MBD5: variants seen among roughly 807,000 people sequenced by gnomAD.
MBD5 encodes the protein methyl-CpG-binding domain protein 5.
A neutral mutation model predicts 117.3 loss-of-function variants in MBD5; 13 were observed. The ratio of observed to expected loss-of-function variants is 0.11; its 90% CI spans 0.07 to 0.18. MBD5 has a LOEUF of 0.18. MBD5 is among the 10% of genes least tolerant of loss of function. MBD5 has a pLI of 1.00. For synonymous variants in MBD5, 727 were observed against 766.4 expected (o/e 0.95, Z 0.85); for missense variants, 1,879 against 2,093.8 (o/e 0.90, Z 2.00).
intron 11 of MBD5, among the ~76,000 whole-genome samples, chr2:148,498,442 A>G (rs919899260): frequency 1.3e-5 from 2 of 152,164 alleles, no homozygotes; most frequent in African/African-American, 4.8e-5. Context: ...TGTTCAAACA[A>G]TTCTCCTGCC....
At chr2:148,085,933 T>C (rs1695781246) in intron 1 of MBD5, among the ~76,000 whole-genome samples, 1 of 152,148 alleles carries the variant, frequency 6.6e-6, no homozygotes, top group Non-Finnish European at 1.5e-5. Context: ...GTATACGTAG[T>C]TCACACAGCA....
intron 2 of MBD5, among the ~76,000 whole-genome samples, chr2:148,180,343 C>CATACATATATAT (rs1553481823): frequency 9.5e-6 from 1 of 105,544 alleles, no homozygotes; most frequent in Non-Finnish European, 1.8e-5. Context: ...AAAAATTATA[C>CATACATATATAT]ATATATATAT....
chr2:148,104,783 A>G (rs1281445073), intron 1 of MBD5, among the ~76,000 whole-genome samples: 1 of 152,160 alleles, frequency 6.6e-6, no homozygotes, highest in Non-Finnish European at 1.5e-5. Flanking sequence ...TGGGTGAATA[A>G]TATTTTCAAT....
chr2:148,039,364 A>G (rs1326473547), intron 1 of MBD5, among the ~76,000 whole-genome samples: 1 of 152,160 alleles, frequency 6.6e-6, no homozygotes, highest in Non-Finnish European at 1.5e-5. Flanking sequence ...GAAATTTAAT[A>G]CTTAAAAAAC....
chr2:148,313,078 GTGTC>G (rs1272540754), intron 3 of MBD5, among the ~76,000 whole-genome samples: 1 of 152,126 alleles, frequency 6.6e-6, no homozygotes, highest in Admixed American at 6.5e-5. Flanking sequence ...CCTGTATGGG[GTGTC>G]TGTCGACCCT....
chr2:148,395,518 A>G (rs1223741165), intron 4 of MBD5, among the ~76,000 whole-genome samples: 1 of 143,970 alleles, frequency 6.9e-6, no homozygotes, highest in East Asian at 2.1e-4. Context: ...TCTGCCTCCC[A>G]GGCTCAAGCA....
Position 148,179,445 on chromosome 2 carries a change from A to G in MBD5, c.-831+652A>G, listed in dbSNP as rs571859599. Among the ~76,000 whole-genome samples, 5 of 152,250 alleles carry G rather than the reference A, an allele frequency of 3.3e-5. No individual in the cohort carries two copies. In the South Asian group the frequency reaches 1.0e-3, roughly 32 times the overall value. Reference sequence around the variant, plus strand: ...AAAATAATTAAACAGAAAAACTATTATTCATTGCACTGTTTTCATGTATTT... The same window carrying G: ...AAAATAATTAAACAGAAAAACTATTGTTCATTGCACTGTTTTCATGTATTT... On this transcript the variant is annotated intron_variant, in intron 2 of 13. Coordinates refer to ENST00000642680, the MANE Select transcript of MBD5 (RefSeq NM_001378120.1).
intron 2 of MBD5, among the ~76,000 whole-genome samples, chr2:148,217,984 G>A (rs1699597619): frequency 6.6e-6 from 1 of 152,062 alleles, no homozygotes; most frequent in African/African-American, 2.4e-5. Flanking sequence ...CAAATTGCAA[G>A]ACAGCTTTGT....
intron 1 of MBD5, among the ~76,000 whole-genome samples, chr2:148,074,495 GTTTTTTT>G (rs1034437368): frequency 9.1e-6 from 1 of 109,830 alleles, no homozygotes; most frequent in Non-Finnish European, 1.9e-5. Flanking sequence ...TTTTTTTTTT[GTTTTTTT>G]TTTTGTTTTT....
chr2:148,076,691 G>A (rs909013316), intron 1 of MBD5, among the ~76,000 whole-genome samples: 2 of 152,204 alleles, frequency 1.3e-5, no homozygotes, highest in Admixed American at 6.5e-5. Context: ...AATAGGTTAA[G>A]TGATAATTCT....
At chr2:148,214,963 T>C (rs955238074) in intron 2 of MBD5, among the ~76,000 whole-genome samples, 9 of 152,208 alleles carry the variant, frequency 5.9e-5, no homozygotes, top group Non-Finnish European at 5.9e-5. Context: ...TTTATTGTCA[T>C]TGTGGTAGTT....
At chr2:148,328,924 CA>C (rs540675571) in intron 3 of MBD5, among the ~76,000 whole-genome samples, 88 of 152,292 alleles carry the variant, frequency 5.8e-4, no homozygotes, top group Non-Finnish European at 9.1e-4. Flanking sequence ...TCAAGAATAT[CA>C]TTCTTATTTC....
intron 1 of MBD5, among the ~76,000 whole-genome samples, chr2:148,147,144 G>A (rs1321137795): frequency 2.0e-5 from 3 of 151,822 alleles, no homozygotes; most frequent in East Asian, 1.9e-4. Flanking sequence ...AGTTTCAGTC[G>A]GCTGCTATTT....
intron 1 of MBD5, among the ~76,000 whole-genome samples, chr2:148,147,305 C>T (rs906990361): frequency 1.3e-5 from 2 of 151,366 alleles, no homozygotes; most frequent in Admixed American, 6.6e-5. Flanking sequence ...TGCAGTGGGA[C>T]GATCTTGGTT....
chr2:148,324,270 G>T (rs1232802566), intron 3 of MBD5, among the ~76,000 whole-genome samples: 1 of 152,174 alleles, frequency 6.6e-6, no homozygotes, highest in Non-Finnish European at 1.5e-5. Flanking sequence ...TTGAAGTCAG[G>T]TAGTGTGATG....
intron 2 of MBD5, among the ~76,000 whole-genome samples, chr2:148,223,710 T>C (rs568588096): frequency 6.6e-6 from 1 of 152,178 alleles, no homozygotes; most frequent in African/African-American, 2.4e-5. Flanking sequence ...AACTAACTTG[T>C]TTATTTCAAT....
intron 8 of MBD5, among the ~76,000 whole-genome samples, chr2:148,479,323 A>G (rs1040209811): frequency 4.7e-4 from 72 of 152,252 alleles, no homozygotes; most frequent in African/African-American, 1.6e-3. Flanking sequence ...TGGAGAGTTC[A>G]TTTTCACTTT....
chr2:148,384,160 G>T (rs1704260945), intron 4 of MBD5, among the ~76,000 whole-genome samples: 1 of 152,110 alleles, frequency 6.6e-6, no homozygotes. Context: ...AGGAAAAGAG[G>T]AAGTCAAATT....
At chr2:148,416,436 C>T (rs1374014237) in intron 4 of MBD5, among the ~76,000 whole-genome samples, 1 of 152,132 alleles carries the variant, frequency 6.6e-6, no homozygotes, top group Admixed American at 6.5e-5. Context: ...CATGCTCACT[C>T]ACACATGCCA....
Sources: allele counts gnomAD v4.1 joint callset (sites outside exome capture counted in the v4.1 genomes callset), GRCh38; gene constraint gnomAD v4.1.1; transcripts MANE v1.5; gene names NCBI Gene and HGNC (gene_info 2026-07-23, HGNC 2026-07-21).